Variants in ACTN2 observed in about 807,000 individuals in gnomAD.
The protein encoded by ACTN2 is alpha-actinin-2.
Under a neutral mutation model 113.8 loss-of-function variants are expected in ACTN2, and 39 were observed. The ratio of observed to expected loss-of-function variants is 0.34; its 90% CI spans 0.27 to 0.45. The LOEUF (loss-of-function observed/expected upper bound fraction) is 0.45, where lower values mean the gene tolerates loss of function less well. Ranked by LOEUF, ACTN2 falls within the 20% of genes least tolerant of loss-of-function variation. ACTN2 has a pLI of 1.00. For synonymous variants in ACTN2, 429 were observed against 444.1 expected, an observed-to-expected ratio of 0.97 and a Z score of 0.43; for missense variants, 992 against 1,177.9, an observed-to-expected ratio of 0.84 and a Z score of 2.31.
intron 1 of ACTN2, among the ~76,000 whole-genome samples, chr1:236,697,407 G>A (rs140095796): frequency 2.6e-5 from 4 of 152,312 alleles, no homozygotes; most frequent in Non-Finnish European, 4.4e-5. Context: ...ATTTAGGTAC[G>A]GAAGTTATCT....
At chr1:236,733,720 G>A (rs1259009859) in intron 7 of ACTN2, among the ~76,000 whole-genome samples, 9 of 152,204 alleles carry the variant, frequency 5.9e-5, no homozygotes, top group Non-Finnish European at 5.9e-5. Context: ...TAAAATTTCT[G>A]CTGCTCTTTG....
intron 1 of ACTN2, among the ~76,000 whole-genome samples, chr1:236,695,642 T>G (rs1171543480): frequency 7.4e-6 from 1 of 135,594 alleles, no homozygotes; most frequent in Non-Finnish European, 1.5e-5. Flanking sequence ...CAGAGACGTA[T>G]AAATTTAAAT....
intron 10 of ACTN2, 75 bp from the exon 11 acceptor site, chr1:236,742,818 TAGA>T: frequency 1.3e-6 from 2 of 1,570,922 alleles, no homozygotes; most frequent in Non-Finnish European, 1.8e-6. Context: ...GAGGGATTTA[TAGA>T]AGAAGCCTGA....
intron 6 of ACTN2, among the ~76,000 whole-genome samples, chr1:236,730,549 C>G (rs1658685080): frequency 6.6e-6 from 1 of 152,110 alleles, no homozygotes; most frequent in Admixed American, 6.5e-5. Flanking sequence ...TCTAGTGGAT[C>G]AAAATAAGAA....
At chr1:236,697,934 A>T (rs377491257) in intron 1 of ACTN2, among the ~76,000 whole-genome samples, 134 of 127,196 alleles carry the variant, frequency 1.1e-3, no homozygotes, top group South Asian at 1.5e-3. Flanking sequence ...TAATTTTCGT[A>T]TTTTTTTTTT....
intron 1 of ACTN2, among the ~76,000 whole-genome samples, chr1:236,709,257 C>CATATATAT (rs1334871243): frequency 1.1e-5 from 1 of 86,966 alleles, no homozygotes; most frequent in African/African-American, 5.2e-5. Flanking sequence ...TATATATATA[C>CATATATAT]ACACACACAC....
At chr1:236,709,359 C>T (rs963539210) in intron 1 of ACTN2, among the ~76,000 whole-genome samples, 6 of 110,656 alleles carry the variant, frequency 5.4e-5, no homozygotes, top group South Asian at 2.8e-4. Flanking sequence ...TATATATATA[C>T]GTGTGTGTGT....
chr1:236,762,445 G>A lies in ACTN2; in HGVS notation c.2527-16G>A. ...TTTCTGCAACTGACTGCAAACACGT[G>A]TGTATTTTTTCCCAGCCATACATCC... is the stretch of plus-strand genomic sequence containing the variant. On this transcript the variant is annotated splice_polypyrimidine_tract_variant and intron_variant, in intron 20 of 20. Transcript: ENST00000366578. 6.2e-7 allele frequency: 1 copy of A among 1,613,992 alleles called. No homozygotes were observed. The highest frequency in any genetic ancestry group is 8.5e-7 in the Non-Finnish European group (1 of 1,179,940).
chr1:236,730,251 A>G (rs1208754761), intron 6 of ACTN2, among the ~76,000 whole-genome samples: 1 of 149,454 alleles, frequency 6.7e-6, no homozygotes, highest in Non-Finnish European at 1.5e-5. Context: ...AGCTTTGTTA[A>G]AAGAACGTTT....
chr1:236,726,322 G>A (rs1451347084), intron 5 of ACTN2, among the ~76,000 whole-genome samples: 1 of 152,162 alleles, frequency 6.6e-6, no homozygotes, highest in Non-Finnish European at 1.5e-5. Context: ...CTGGTATTGG[G>A]AAAAGGCAGC....
In ACTN2 at chr1:236,717,796, TG is replaced by T. The variant is rs879340379; in HGVS notation, c.127-61del. The T allele has an allele frequency of 2.2e-4, 263 of 1,174,310 alleles. No individual in the cohort carries two copies. The Admixed American group carries it at 4.6e-3, about 20-fold the overall frequency. The allele number at this position is 1,174,310 out of a possible 1,614,324, so 72.7% of individuals were successfully genotyped here. A position where few individuals can be genotyped will look rare whatever the true frequency, so the allele number is the denominator to read the frequency against. On this transcript the variant is annotated intron_variant, in intron 1 of 20. Transcript: ENST00000366578. ...AACGTGTAAGGTGTCAAGTGTCGTCTGTGAGGAAGGGATCTGAAATCCGATG... is the reference window on the plus strand; with the variant it reads ...AACGTGTAAGGTGTCAAGTGTCGTCTTGAGGAAGGGATCTGAAATCCGATG...
chr1:236,724,547 G>T (rs548918087), intron 4 of ACTN2, among the ~76,000 whole-genome samples: 1 of 152,214 alleles, frequency 6.6e-6, no homozygotes, highest in Non-Finnish European at 1.5e-5. Flanking sequence ...GAAGGTCTCC[G>T]ACTGCAGTGC....
At chr1:236,716,819 G>C in intron 1 of ACTN2, among the ~76,000 whole-genome samples, 1 of 143,522 alleles carries the variant, frequency 7.0e-6, no homozygotes, top group Admixed American at 7.2e-5. Flanking sequence ...CTCCTCTAAA[G>C]CAACACATTT....
intron 1 of ACTN2, among the ~76,000 whole-genome samples, chr1:236,695,044 G>T (rs1006793790): frequency 3.3e-5 from 5 of 151,720 alleles, no homozygotes; most frequent in Admixed American, 3.3e-4. Flanking sequence ...CCCGCTCTGG[G>T]TGACAGAGTG....
chr1:236,718,103 C>T lies in ACTN2; in HGVS notation c.241+131C>T, dbSNP rs2275399. On this transcript the variant is annotated intron_variant, in intron 2 of 20. Coordinates refer to ENST00000366578, the MANE Select transcript of ACTN2 (RefSeq NM_001103.4). The stretch of plus-strand genomic sequence containing the variant: ...AACATGGTATTATTGCCAAAGAAAA[C>T]CTTTCCAAAGAACAATCTGCCTGGA... The T allele has an allele frequency of 0.54, 393,458 of 730,788 alleles. 114,008 individuals are homozygous for T. The highest frequency in any genetic ancestry group is 0.62 in the Non-Finnish European group (255,769 of 413,798). 45.3% of individuals were successfully genotyped at this position (730,788 alleles called of 1,614,324 possible). A position where few individuals can be genotyped will look rare whatever the true frequency, so the allele number is the denominator to read the frequency against.
chr1:236,741,546 C>G (rs1351233302), intron 10 of ACTN2, among the ~76,000 whole-genome samples: 1 of 152,216 alleles, frequency 6.6e-6, no homozygotes. Context: ...CCCCCAAACC[C>G]AGGTTTCATC....
At chr1:236,734,682 T>G (rs2102915597) in intron 7 of ACTN2, among the ~76,000 whole-genome samples, 1 of 152,356 alleles carries the variant, frequency 6.6e-6, no homozygotes. Context: ...CTTTGAAACT[T>G]ACTTTCTGTT....
At chr1:236,736,604 C>T (rs1658884836) in intron 8 of ACTN2, 1 of 1,525,980 alleles carries the variant, frequency 6.6e-7, no homozygotes, top group East Asian at 2.5e-5. Flanking sequence ...AAGGATCCCC[C>T]TCCAGAAAGT....
chr1:236,721,744 T>C (rs1658400832), intron 4 of ACTN2, among the ~76,000 whole-genome samples: 1 of 152,248 alleles, frequency 6.6e-6, no homozygotes, highest in South Asian at 2.1e-4. Flanking sequence ...AAATAAATAC[T>C]ACTTTTAGAA....
Sources: allele counts gnomAD v4.1 joint callset (sites outside exome capture counted in the v4.1 genomes callset), GRCh38; gene constraint gnomAD v4.1.1; transcripts MANE v1.5; gene names NCBI Gene and HGNC (gene_info 2026-07-23, HGNC 2026-07-21).